Variants in GOLGA8M observed in about 807,000 individuals in gnomAD.
The protein encoded by GOLGA8M is golgin subfamily A member 8M.
GOLGA8M carries 34 observed loss-of-function variants against 87.7 expected under a neutral mutation model. The observed-to-expected ratio is 0.39, with a 90% CI of 0.29 to 0.52. GOLGA8M has a LOEUF of 0.52. Ranked by LOEUF, GOLGA8M falls within the 20% of genes least tolerant of loss-of-function variation. The pLI is 0.80. For synonymous variants in GOLGA8M, 138 were observed against 250.2 expected (o/e 0.55, Z 4.23); for missense variants, 396 against 682.2 (o/e 0.58, Z 4.67).
chr15:28,708,805 G>T (rs905278495), intron 4 of GOLGA8M, among the ~76,000 whole-genome samples: 1 of 151,788 alleles, frequency 6.6e-6, no homozygotes, highest in Admixed American at 6.6e-5. Flanking sequence ...AGGACAGACA[G>T]GAGCCCTTAG....
chr15:28,711,450 C>T (rs963735160), intron 1 of GOLGA8M: 4 of 980,680 alleles, frequency 4.1e-6, no homozygotes, highest in African/African-American at 3.5e-5. Context: ...AAACCAAACC[C>T]ATTCTCTCAT....
chr15:28,702,660 T>A lies in GOLGA8M; in HGVS notation c.1454A>T (p.Gln485Leu). The stretch of plus-strand genomic sequence containing the variant: ...TCCCACTCACTGATGGCATCTCTCT[T>A]GCCAGTATTGAATGAAGCGAAGTTC... ...KQELRFIQYWQERCHQKIHHL... is the reference protein window; with the variant it reads ...KQELRFIQYWLERCHQKIHHL... Residue 485 changes from glutamine to leucine, a missense_variant, in exon 16 of 19, where the codon CAA (glutamine) becomes CTA (leucine). By Grantham distance (113) the Gln-to-Leu change is moderately radical (BLOSUM62 -2). Around this residue, in one of 12 missense-constraint regions of GOLGA8M, gnomAD observed 173 missense variants for 150.2 expected, o/e 1.15. Coordinates refer to ENST00000563027, the MANE Select transcript of GOLGA8M (RefSeq NM_001282468.3). 6.2e-7 allele frequency: 1 copy of A among 1,605,880 alleles called. No homozygotes were observed. Among genetic ancestry groups the A allele is most frequent in the South Asian group, 1.1e-5 (1 of 90,074 alleles).
Position 28,701,822 on chromosome 15 carries a change from A to G in GOLGA8M, c.*132T>C. The G allele has an allele frequency of 8.0e-7, 1 of 1,257,066 alleles. No homozygotes were observed. The highest frequency in any genetic ancestry group is 1.1e-6 in the Non-Finnish European group (1 of 923,664). The allele number at this position is 1,257,066 out of a possible 1,614,324, so 77.9% of individuals were successfully genotyped here. A position where few individuals can be genotyped will look rare whatever the true frequency, so the allele number is the denominator to read the frequency against. On this transcript the variant is annotated 3_prime_UTR_variant, in exon 19 of 19. Transcript: ENST00000563027. ...TTTTTACAAATAAACTTAAAACTATAAATTAGAAACACAAATAATCATGAG... is the reference window on the plus strand; with the variant it reads ...TTTTTACAAATAAACTTAAAACTATGAATTAGAAACACAAATAATCATGAG...
chr15:28,702,605 T>C lies in GOLGA8M; in HGVS notation c.1469+40A>G, dbSNP rs199609806. 2,391 of 1,606,030 alleles carry C rather than the reference T, an allele frequency of 1.5e-3. 30 individuals carry two copies. Among genetic ancestry groups the C allele is most frequent in the South Asian group, 6.6e-3 (598 of 90,442 alleles). On this transcript the variant is annotated intron_variant, in intron 16 of 18. Transcript: ENST00000563027. ...TCAGACGCTGGGGCCCCTCCGACGG[T>C]CCTGCAGCTCCCCCTGCCGTGCCCT...
In GOLGA8M at chr15:28,700,771, A is replaced by G. The variant is rs1596658990; in HGVS notation, c.*1183T>C. On this transcript the variant is annotated 3_prime_UTR_variant, in exon 19 of 19. Coordinates refer to ENST00000563027, the MANE Select transcript of GOLGA8M (RefSeq NM_001282468.3). ...GTCAGAGTAACCAAGGTGGTTGAAG[A>G]ATAGGTATTAGCCAAAGAGGTCTAG... Among the ~76,000 whole-genome samples, 1 of 152,010 alleles carries G rather than the reference A, an allele frequency of 6.6e-6. No individual in the cohort carries two copies. Among genetic ancestry groups the G allele is most frequent in the Non-Finnish European group, 1.5e-5 (1 of 68,024 alleles).
rs772739402 is a variant in GOLGA8M, at chr15:28,705,078, G to A, written c.1200+81C>T. Reference sequence around the variant, plus strand: ...GCCCCCAGGCTGGAAGCTGCCTCTGGCCTGGTACCTCCCCTCCCCAGAGGC... The same window carrying A: ...GCCCCCAGGCTGGAAGCTGCCTCTGACCTGGTACCTCCCCTCCCCAGAGGC... On this transcript the variant is annotated intron_variant, in intron 13 of 18. Transcript: ENST00000563027. 5.7e-6 allele frequency: 9 copies of A among 1,575,726 alleles called. No individual in the cohort carries two copies. The East Asian group carries it at 9.1e-5, about 16-fold the overall frequency.
rs1567306829 is a variant in GOLGA8M at position 28,707,952 on chromosome 15, C to A, written c.481+1G>T. 4 of 1,593,724 alleles carry A rather than the reference C, an allele frequency of 2.5e-6. No homozygotes were observed. Among genetic ancestry groups the A allele is most frequent in the Non-Finnish European group, 3.4e-6 (4 of 1,178,430 alleles). On this transcript the variant is annotated splice_donor_variant, in intron 7 of 18. Coordinates refer to ENST00000563027, the MANE Select transcript of GOLGA8M (RefSeq NM_001282468.3). LOFTEE classifies it high-confidence loss of function. ...GGATGACAGGGTGCCCAGATTCCCA[C>A]CTTCAAAGTATCTGAGAGAACGTTT...
chr15:28,698,862 T>G lies in GOLGA8M; in HGVS notation c.*3092A>C, dbSNP rs201844105. On this transcript the variant is annotated 3_prime_UTR_variant, in exon 19 of 19. Coordinates refer to ENST00000563027, the MANE Select transcript of GOLGA8M (RefSeq NM_001282468.3). ...GGGAAAAATCTTTCAGTATTTCCATTACACATTCTGTTTATAATAATTCAT... is the reference window on the plus strand; with the variant it reads ...GGGAAAAATCTTTCAGTATTTCCATGACACATTCTGTTTATAATAATTCAT... 0.012 allele frequency among the ~76,000 whole-genome samples: 1,512 copies of G among 130,488 alleles called. 102 individuals carry two copies. Among genetic ancestry groups the G allele is most frequent in the East Asian group, 0.12 (196 of 1,700 alleles). The allele number at this position is 130,488 out of a possible 152,430, so 85.6% of individuals were successfully genotyped here. A position where few individuals can be genotyped will look rare whatever the true frequency, so the allele number is the denominator to read the frequency against.
chr15:28,701,631 C>T lies in GOLGA8M; in HGVS notation c.*323G>A, dbSNP rs1482053603. Among the ~76,000 whole-genome samples the T allele has an allele frequency of 6.6e-6, 1 of 151,868 alleles. No individual in the cohort carries two copies. Among genetic ancestry groups the T allele is most frequent in the African/African-American group, 2.4e-5 (1 of 41,280 alleles). ...GCAGCCTATTCCAAACCAGCGAGAA[C>T]AGTTTTGGGCAAAGAGTGGGTCTTT... On this transcript the variant is annotated 3_prime_UTR_variant, in exon 19 of 19. Coordinates refer to ENST00000563027, the MANE Select transcript of GOLGA8M (RefSeq NM_001282468.3).
Position 28,706,689 on chromosome 15 carries a change from G to C in GOLGA8M, c.602C>G (p.Pro201Arg), listed in dbSNP as rs529382747. The change falls in exon 9 of 19, where the codon CCC becomes CGC. Residue 201 changes from proline (P) to arginine (R), a missense_variant. By Grantham distance (103) the Pro-to-Arg change is moderately radical (BLOSUM62 -2). Coordinates refer to ENST00000563027, the MANE Select transcript of GOLGA8M (RefSeq NM_001282468.3). Reference protein sequence around the residue: ...QKKKANQLSSPSKAGTEWKLE... With the variant: ...QKKKANQLSSRSKAGTEWKLE... ...CTTCCACTCCGTACCTGCTTTACTGGGGCTGGACAACTGGATGGCAAAGAG... is the reference window on the plus strand; with the variant it reads ...CTTCCACTCCGTACCTGCTTTACTGCGGCTGGACAACTGGATGGCAAAGAG... The C allele has an allele frequency of 3.3e-5, 49 of 1,503,972 alleles. No individual in the cohort carries two copies. The East Asian group carries it at 3.5e-4, about 11-fold the overall frequency. The allele number at this position is 1,503,972 out of a possible 1,614,324, so 93.2% of individuals were successfully genotyped here. A position where few individuals can be genotyped will look rare whatever the true frequency, so the allele number is the denominator to read the frequency against.
At position 28,708,778 on chromosome 15, in the gene GOLGA8M, C is replaced by T. The variant is rs547067930; in HGVS notation, c.310-365G>A. Among the ~76,000 whole-genome samples, 6 of 151,994 alleles carry T rather than the reference C, an allele frequency of 3.9e-5. No individual in the cohort carries two copies. The South Asian group carries it at 1.3e-3, about 32-fold the overall frequency. On this transcript the variant is annotated intron_variant, in intron 4 of 18. Transcript: ENST00000563027. Reference sequence around the variant, plus strand: ...ATGGACCAGGTACGGTTCTTTACAGCAGATATAGGATGGAAAAGGACAGAC... The same window carrying T: ...ATGGACCAGGTACGGTTCTTTACAGTAGATATAGGATGGAAAAGGACAGAC...
rs1057090536 is a variant in GOLGA8M at position 28,698,975 on chromosome 15, G to A, written c.*2979C>T. On this transcript the variant is annotated 3_prime_UTR_variant, in exon 19 of 19. Coordinates refer to ENST00000563027, the MANE Select transcript of GOLGA8M (RefSeq NM_001282468.3). ...TCTTTCTCTGCTTTTCGTTCCCACT[G>A]TTTCTTTCTTTTATACTACAGTATT... Among the ~76,000 whole-genome samples the A allele has an allele frequency of 1.4e-5, 2 of 143,738 alleles. No individual in the cohort carries two copies. The highest frequency in any genetic ancestry group is 3.0e-5 in the Non-Finnish European group (2 of 67,182). 94.3% of individuals were successfully genotyped at this position (143,738 alleles called of 152,430 possible).
rs1055397426 is a variant in GOLGA8M, at chr15:28,700,760, G to A, written c.*1194C>T. 6.6e-5 allele frequency among the ~76,000 whole-genome samples: 10 copies of A among 151,916 alleles called. No individual in the cohort carries two copies. Among genetic ancestry groups the A allele is most frequent in the Non-Finnish European group, 1.3e-4 (9 of 68,010 alleles). Reference sequence around the variant, plus strand: ...TAAATTCCTATGTCAGAGTAACCAAGGTGGTTGAAGAATAGGTATTAGCCA... The same window carrying A: ...TAAATTCCTATGTCAGAGTAACCAAAGTGGTTGAAGAATAGGTATTAGCCA... On this transcript the variant is annotated 3_prime_UTR_variant, in exon 19 of 19. Coordinates refer to ENST00000563027, the MANE Select transcript of GOLGA8M (RefSeq NM_001282468.3).
At position 28,708,042 on chromosome 15, in the gene GOLGA8M, G is replaced by T. The variant is rs747683459; in HGVS notation, c.397-5C>A. 2 of 1,599,786 alleles carry T rather than the reference G, an allele frequency of 1.3e-6. No homozygotes were observed. Among genetic ancestry groups the T allele is most frequent in the African/African-American group, 2.7e-5 (2 of 72,964 alleles). ...GTTCAATGTCTGGAGTTGAACCTTT[G>T]GGAGAAAAGCCAAGCAAGTGCTGAA... On this transcript the variant is annotated splice_region_variant and splice_polypyrimidine_tract_variant and intron_variant, in intron 6 of 18. Coordinates refer to ENST00000563027, the MANE Select transcript of GOLGA8M (RefSeq NM_001282468.3).
intron 1 of GOLGA8M, 91 bp downstream of exon 1, chr15:28,712,185 G>A: frequency 6.5e-7 from 1 of 1,536,490 alleles, no homozygotes; most frequent in Non-Finnish European, 8.7e-7. Context: ...AGTCCAGTGT[G>A]CCTCAGGAGT....
Position 28,710,165 on chromosome 15 carries a change from CT to C in GOLGA8M, c.168+321del, listed in dbSNP as rs542020845. Among the ~76,000 whole-genome samples, 558 of 145,970 alleles carry C rather than the reference CT, an allele frequency of 3.8e-3. 4 individuals carry two copies. Among genetic ancestry groups the C allele is most frequent in the African/African-American group, 0.014 (537 of 39,166 alleles). ...TAATCTTGGCTACTGCAAGCTCCACCTCCCAGGTTCACACCATTCTCTTGCC... is the reference window on the plus strand; with the variant it reads ...TAATCTTGGCTACTGCAAGCTCCACCCCCAGGTTCACACCATTCTCTTGCC... On this transcript the variant is annotated intron_variant, in intron 2 of 18. Coordinates refer to ENST00000563027, the MANE Select transcript of GOLGA8M (RefSeq NM_001282468.3).
rs1180401281 is a variant in GOLGA8M at position 28,698,617 on chromosome 15, T to A, written c.*3337A>T. ...TAACCCATAACTTTTTTATTTTGGT[T>A]TTTAATAAACACTTGCATAGTTATA... On this transcript the variant is annotated 3_prime_UTR_variant, in exon 19 of 19. Coordinates refer to ENST00000563027, the MANE Select transcript of GOLGA8M (RefSeq NM_001282468.3). Among the ~76,000 whole-genome samples, 1 of 147,324 alleles carries A rather than the reference T, an allele frequency of 6.8e-6. No homozygotes were observed. The highest frequency in any genetic ancestry group is 1.5e-5 in the Non-Finnish European group (1 of 67,774).
intron 15 of GOLGA8M, chr15:28,703,092 G>C (rs1348164435): frequency 4.3e-6 from 3 of 705,686 alleles, no homozygotes; most frequent in Non-Finnish European, 5.0e-6. Context: ...CATTCTTCTA[G>C]GGGCATACAC....
intron 8 of GOLGA8M, 46 bp downstream of exon 8, chr15:28,707,702 C>T (rs1209691801): frequency 1.3e-6 from 2 of 1,537,798 alleles, no homozygotes; most frequent in Admixed American, 2.0e-5. Context: ...ACTCCTCCAT[C>T]TGCAAAGCCA....
Sources: gnomAD v4.1 joint callset for allele counts (sites outside exome capture counted in the v4.1 genomes callset) on GRCh38, gnomAD v4.1.1 for gene constraint, gnomAD v4.1.1 regional missense constraint, MANE v1.5 for transcripts, NCBI Gene and HGNC (gene_info 2026-07-23, HGNC 2026-07-21) for gene names.